TLK1: variants seen among roughly 807,000 people sequenced by gnomAD.
TLK1 encodes the protein tousled like kinase 1.
A neutral mutation model predicts 105.3 loss-of-function variants in TLK1; 24 were observed. The ratio of observed to expected loss-of-function variants is 0.23; its 90% CI spans 0.17 to 0.32. The LOEUF (loss-of-function observed/expected upper bound fraction) is 0.32. TLK1 is among the 10% of genes least tolerant of loss of function. TLK1 has a pLI of 1.00. For synonymous variants in TLK1, 321 were observed against 310.4 expected (o/e 1.03, Z -0.36); for missense variants, 558 against 910.5 (o/e 0.61, Z 4.98).
intron 1 of TLK1, among the ~76,000 whole-genome samples, chr2:171,197,517 G>A (rs545184564): frequency 1.3e-5 from 2 of 152,272 alleles, no homozygotes; most frequent in South Asian, 2.1e-4. Flanking sequence ...AGTGGCTCAC[G>A]CCTGCAATCC....
chr2:171,055,609 TG>T (rs1687464554), intron 6 of TLK1, among the ~76,000 whole-genome samples: 1 of 152,086 alleles, frequency 6.6e-6, no homozygotes, highest in Non-Finnish European at 1.5e-5. Flanking sequence ...ATAGTTTATC[TG>T]GTCACTAGTT....
rs57360155 is a variant in TLK1, at chr2:171,180,094, CAA to C, written c.-6+51049_-6+51050del. Among the ~76,000 whole-genome samples, 499 of 68,680 alleles carry C rather than the reference CAA, an allele frequency of 7.3e-3. 1 individual carries two copies. The highest frequency in any genetic ancestry group is 0.021 in the African/African-American group (429 of 20,214). The allele number at this position is 68,680 out of a possible 152,430, so 45.1% of individuals were successfully genotyped here. On this transcript the variant is annotated intron_variant, in intron 1 of 20. Coordinates refer to the TLK1 transcript ENST00000521943. ...TGGGTGATAGAGTGAGACTCTGTCT[CAA>C]AAAAAAAAAAAAAAAAAAAATTAGC... is the stretch of plus-strand genomic sequence containing the variant.
intron 1 of TLK1, among the ~76,000 whole-genome samples, chr2:171,124,886 A>T (rs941598550): frequency 1.3e-5 from 2 of 152,222 alleles, no homozygotes; most frequent in Admixed American, 6.5e-5. Flanking sequence ...TCCTTGAATA[A>T]AGAACAACTG....
chr2:171,002,640 CCTTTT>C (rs1684438194), intron 18 of TLK1, among the ~76,000 whole-genome samples: 1 of 151,692 alleles, frequency 6.6e-6, no homozygotes, highest in Admixed American at 6.6e-5. Flanking sequence ...TTTTCTTTGT[CCTTTT>C]CTTTTGAGAC....
intron 1 of TLK1, among the ~76,000 whole-genome samples, chr2:171,195,459 C>T (rs1426160832): frequency 2.8e-5 from 4 of 142,990 alleles, no homozygotes; most frequent in South Asian, 4.4e-4. Flanking sequence ...GCCCAGATGG[C>T]GCCACTGCAC....
intron 1 of TLK1, among the ~76,000 whole-genome samples, chr2:171,126,329 A>G (rs1039571067): frequency 2.0e-5 from 3 of 152,152 alleles, no homozygotes; most frequent in African/African-American, 7.2e-5. Flanking sequence ...ATTTTAATAA[A>G]CATGTTTTCT....
At chr2:171,152,518 ATTGTTGTTGTTG>A (rs144550135) in intron 1 of TLK1, among the ~76,000 whole-genome samples, 2 of 151,840 alleles carry the variant, frequency 1.3e-5, no homozygotes, top group Admixed American at 6.6e-5. Context: ...AGGTTTTGTT[ATTGTTGTTGTTG>A]TTGTTGTTGT....
chr2:171,148,047 C>A (rs192028286), intron 1 of TLK1, among the ~76,000 whole-genome samples: 1 of 152,048 alleles, frequency 6.6e-6, no homozygotes, highest in Non-Finnish European at 1.5e-5. Flanking sequence ...TGTGCCACCA[C>A]GCCCGGCTAA....
chr2:171,188,740 C>T lies in TLK1; in HGVS notation c.-6+42405G>A, dbSNP rs1274897429. Among the ~76,000 whole-genome samples the T allele has an allele frequency of 9.6e-5, 14 of 145,968 alleles. No individual in the cohort carries two copies. The South Asian group carries it at 1.1e-3, about 11-fold the overall frequency. On this transcript the variant is annotated intron_variant, in intron 1 of 20. Transcript: ENST00000521943. Reference sequence around the variant, plus strand: ...AAAAAAAAAAAGAAAATTAGTAGGACGTGGTGGCACGTGGTCCCAACTACT... The same window carrying T: ...AAAAAAAAAAAGAAAATTAGTAGGATGTGGTGGCACGTGGTCCCAACTACT...
At chr2:171,210,493 T>C (rs1353235087) in intron 1 of TLK1, among the ~76,000 whole-genome samples, 2 of 152,048 alleles carry the variant, frequency 1.3e-5, no homozygotes, top group Non-Finnish European at 2.9e-5. Context: ...AGGCAAGTAT[T>C]TGCGAAAGAA....
chr2:171,168,525 C>A (rs1692654051), intron 1 of TLK1, among the ~76,000 whole-genome samples: 1 of 151,954 alleles, frequency 6.6e-6, no homozygotes, highest in Admixed American at 6.6e-5. Context: ...AATCCCAGGA[C>A]TTTGGGGGCA....
intron 1 of TLK1, among the ~76,000 whole-genome samples, chr2:171,218,148 G>A (rs146876762): frequency 0.021 from 3,167 of 152,280 alleles, 104 homozygotes; most frequent in African/African-American, 0.072. Flanking sequence ...CAGCTACTCG[G>A]GAGGTTGAGG....
chr2:171,039,869 T>C (rs1261759962), intron 11 of TLK1, among the ~76,000 whole-genome samples: 1 of 152,126 alleles, frequency 6.6e-6, no homozygotes, highest in African/African-American at 2.4e-5. Context: ...AACAGACCCC[T>C]TTGTAATTTT....
Position 171,068,402 on chromosome 2 carries a change from G to A in TLK1, c.331-7246C>T, listed in dbSNP as rs186367402. ...GTCCAGGCTGGACTGTAACTCCTAG[G>A]TTCAAGTGATCCTCCTGCCTCAGGC... On this transcript the variant is annotated intron_variant, in intron 3 of 20. Coordinates refer to ENST00000431350, the MANE Select transcript of TLK1 (RefSeq NM_012290.5). Among the ~76,000 whole-genome samples, 17 of 152,236 alleles carry A rather than the reference G, an allele frequency of 1.1e-4. No homozygotes were observed. In the East Asian group the frequency reaches 3.1e-3, roughly 28 times the overall value.
chr2:171,121,064 G>T (rs1690634750), intron 1 of TLK1, among the ~76,000 whole-genome samples: 1 of 152,158 alleles, frequency 6.6e-6, no homozygotes, highest in African/African-American at 2.4e-5. Context: ...AGGGGCTGGG[G>T]GTGTGGTGGA....
At chr2:171,111,747 G>A (rs1690181097) in intron 2 of TLK1, among the ~76,000 whole-genome samples, 1 of 152,120 alleles carries the variant, frequency 6.6e-6, no homozygotes, top group African/African-American at 2.4e-5. Context: ...AGGCTAATGT[G>A]ATAGTGAATT....
intron 12 of TLK1, 103 bp downstream of exon 12, chr2:171,028,236 T>A (rs1405366342): frequency 3.9e-6 from 3 of 769,924 alleles, no homozygotes; most frequent in African/African-American, 3.5e-5. Context: ...TTTGAAATCT[T>A]ACTCTCTTAA....
At chr2:171,081,732 G>C (rs551113884) in intron 3 of TLK1, 2 of 1,302,496 alleles carry the variant, frequency 1.5e-6, no homozygotes, top group East Asian at 1.1e-4. Context: ...AGCCTGATGA[G>C]TGAGAGCCCT....
intron 18 of TLK1, among the ~76,000 whole-genome samples, chr2:171,005,893 T>G (rs2105361963): frequency 6.6e-6 from 1 of 152,296 alleles, no homozygotes; most frequent in South Asian, 2.1e-4. Flanking sequence ...GTTAGGAGTT[T>G]CTGACTGGCA....
Sources: gnomAD v4.1 joint callset for allele counts (sites outside exome capture counted in the v4.1 genomes callset) on GRCh38, gnomAD v4.1.1 for gene constraint, MANE v1.5 for transcripts, NCBI Gene and HGNC (gene_info 2026-07-23, HGNC 2026-07-21) for gene names.